The following WDR25 variants were observed in gnomAD, a reference collection of about 807,000 sequenced individuals.
WDR25 encodes the protein WD repeat domain 25, also known as WD repeat-containing protein 25.
In WDR25, 35 loss-of-function variants were observed where a neutral mutation model predicts 47.7. That is an observed-to-expected ratio of 0.73 (90% CI 0.56 to 0.97). WDR25 has a LOEUF of 0.97. Among genes scored for constraint, WDR25 ranks in the 50% least tolerant of loss-of-function variants. WDR25 has a pLI of 0.00. For missense variants in WDR25, 634 were observed against 704.7 expected (o/e 0.90, Z 1.14); for synonymous variants, 248 against 278.9 (o/e 0.89, Z 1.10).
chr14:100,473,215 G>A (rs796096187), intron 3 of WDR25, among the ~76,000 whole-genome samples: 4 of 152,364 alleles, frequency 2.6e-5, no homozygotes, highest in African/African-American at 9.6e-5. Context: ...CTGTGTGGAG[G>A]TGAAATGAGT....
chr14:100,409,282 C>T (rs1397232215), intron 2 of WDR25, among the ~76,000 whole-genome samples: 5 of 152,174 alleles, frequency 3.3e-5, no homozygotes, highest in African/African-American at 4.8e-5. Context: ...GCGTGTCTGG[C>T]GCAAGGTGAT....
intron 2 of WDR25, among the ~76,000 whole-genome samples, chr14:100,426,369 A>G (rs968724620): frequency 1.4e-4 from 21 of 152,370 alleles, no homozygotes; most frequent in Middle Eastern, 3.4e-3. Flanking sequence ...TTGCCCTTCC[A>G]AAGAACTGTG....
At chr14:100,465,440 A>G (rs1899597336) in intron 2 of WDR25, among the ~76,000 whole-genome samples, 1 of 152,170 alleles carries the variant, frequency 6.6e-6, no homozygotes, top group Admixed American at 6.5e-5. Context: ...GGTACCTCAT[A>G]TAAGTGCAGT....
At position 100,468,262 on chromosome 14, in the gene WDR25, T is replaced by G; in HGVS notation, c.970+94T>G. The G allele has an allele frequency of 1.3e-6, 2 of 1,512,554 alleles. No individual in the cohort carries two copies. The highest frequency in any genetic ancestry group is 1.8e-6 in the Non-Finnish European group (2 of 1,130,326). The allele number at this position is 1,512,554 out of a possible 1,614,324, so 93.7% of individuals were successfully genotyped here. A position where few individuals can be genotyped will look rare whatever the true frequency, so the allele number is the denominator to read the frequency against. The stretch of plus-strand genomic sequence containing the variant: ...GCACGCAGCCACAAGCTGTATACGC[T>G]TGCGTGGCAGAGGGAGAGGGGCCTC... On this transcript the variant is annotated intron_variant, in intron 3 of 6. Coordinates refer to ENST00000402312, the MANE Select transcript of WDR25 (RefSeq NM_001161476.3). The surrounding 1 kb of genome is among the most constrained non-coding windows in gnomAD (Gnocchi z 4.5).
intron 3 of WDR25, chr14:100,480,970 C>T (rs1298876810): frequency 4.7e-6 from 2 of 422,910 alleles, no homozygotes; most frequent in African/African-American, 4.2e-5. Flanking sequence ...GGAAGGTCAG[C>T]TCTGCTGAAG....
intron 2 of WDR25, among the ~76,000 whole-genome samples, chr14:100,421,433 T>C (rs768500590): frequency 3.3e-5 from 5 of 152,212 alleles, no homozygotes; most frequent in Non-Finnish European, 5.9e-5. Flanking sequence ...GGAAGCAGGC[T>C]GACTTACCCC....
intron 2 of WDR25, among the ~76,000 whole-genome samples, chr14:100,421,161 T>A (rs1898015945): frequency 6.6e-6 from 1 of 152,200 alleles, no homozygotes; most frequent in Non-Finnish European, 1.5e-5. Flanking sequence ...AGAGTAGGCA[T>A]CAGGACTAGG....
intron 5 of WDR25, 111 bp downstream of exon 5, chr14:100,526,151 T>A: frequency 7.5e-7 from 1 of 1,332,540 alleles, no homozygotes; most frequent in Non-Finnish European, 1.0e-6. Context: ...CTCACTGGAC[T>A]GAAATCTCCA....
Position 100,440,442 on chromosome 14 carries a change from G to A in WDR25, c.823-27579G>A, listed in dbSNP as rs150413322. Among the ~76,000 whole-genome samples, 164 of 152,328 alleles carry A rather than the reference G, an allele frequency of 1.1e-3. No homozygotes were observed. The highest frequency in any genetic ancestry group is 1.7e-3 in the Non-Finnish European group (115 of 68,020). On this transcript the variant is annotated intron_variant, in intron 2 of 6. Transcript: ENST00000402312. The surrounding 1 kb of genome is among the most constrained non-coding windows in gnomAD (Gnocchi z 4.4). ...CTGTTCTGAGCGGCTGTTTACAGGCGGATAGAAAGGGCTGTAGGATGGGAC... is the reference window on the plus strand; with the variant it reads ...CTGTTCTGAGCGGCTGTTTACAGGCAGATAGAAAGGGCTGTAGGATGGGAC...
At position 100,440,685 on chromosome 14, in the gene WDR25, TC is replaced by T. The variant is rs765794441; in HGVS notation, c.823-27335del. Among the ~76,000 whole-genome samples, 1 of 152,234 alleles carries T rather than the reference TC, an allele frequency of 6.6e-6. No individual in the cohort carries two copies. Among genetic ancestry groups the T allele is most frequent in the Non-Finnish European group, 1.5e-5 (1 of 68,032 alleles). ...GTCTCATTCCCTGTTTTTATTCCCT[TC>T]TTTTATTTAGGGAGAGCCAGAGCAG... On this transcript the variant is annotated intron_variant, in intron 2 of 6. Coordinates refer to ENST00000402312, the MANE Select transcript of WDR25 (RefSeq NM_001161476.3). This position sits in a 1 kb window ranked among gnomAD's most constrained non-coding sequence, Gnocchi z 4.4.
chr14:100,524,515 T>C (rs73351059), intron 4 of WDR25, among the ~76,000 whole-genome samples: 11,371 of 152,216 alleles, frequency 0.075, 1,409 homozygotes, highest in African/African-American at 0.26. Context: ...AGGGGCAGCT[T>C]GTCTCCCTGT....
chr14:100,507,065 G>A (rs1364487969), intron 4 of WDR25, among the ~76,000 whole-genome samples: 1 of 151,688 alleles, frequency 6.6e-6, no homozygotes, highest in Non-Finnish European at 1.5e-5. Flanking sequence ...ACATTTAAAT[G>A]TTGAGTTAAT....
Position 100,486,084 on chromosome 14 carries a change from A to T in WDR25, c.1101+1960A>T, listed in dbSNP as rs540270839. On this transcript the variant is annotated intron_variant, in intron 4 of 6. Transcript: ENST00000402312. ...ACCGCCAAAACACGTTATATTTAGG[A>T]TCTAAATACATGACAAGTGAAAGAA... Among the ~76,000 whole-genome samples the T allele has an allele frequency of 8.6e-5, 13 of 151,186 alleles. No individual in the cohort carries two copies. In the South Asian group the frequency reaches 2.1e-3, roughly 24 times the overall value.
At chr14:100,444,299 G>T (rs973291598) in intron 2 of WDR25, among the ~76,000 whole-genome samples, 3 of 152,236 alleles carry the variant, frequency 2.0e-5, no homozygotes, top group Non-Finnish European at 4.4e-5. Flanking sequence ...GTAGCAGTTT[G>T]TCCTCCCGGG....
At chr14:100,457,132 T>G (rs1899230521) in intron 2 of WDR25, among the ~76,000 whole-genome samples, 1 of 152,134 alleles carries the variant, frequency 6.6e-6, no homozygotes, top group South Asian at 2.1e-4. Context: ...AATTTGTATT[T>G]TTAATAGAGA....
rs966062689 is a variant in WDR25, at chr14:100,430,291, G to A, written c.823-37730G>A. ...TGCCCAGCCAGTCAGAGTCACCTCC[G>A]GACCTCCTGCTTCCTGATCTCCTCA... On this transcript the variant is annotated intron_variant, in intron 2 of 6. Transcript: ENST00000402312. This position sits in a 1 kb window ranked among gnomAD's most constrained non-coding sequence, Gnocchi z 4.7. 1.3e-5 allele frequency among the ~76,000 whole-genome samples: 2 copies of A among 151,950 alleles called. No homozygotes were observed. Among genetic ancestry groups the A allele is most frequent in the East Asian group, 1.9e-4 (1 of 5,182 alleles).
intron 2 of WDR25, among the ~76,000 whole-genome samples, chr14:100,447,423 G>T (rs113088443): frequency 6.6e-6 from 1 of 152,236 alleles, no homozygotes; most frequent in Non-Finnish European, 1.5e-5. Flanking sequence ...AGGCGTGGGC[G>T]TGCCAGCCTT....
chr14:100,393,618 G>A (rs913400396), intron 2 of WDR25, among the ~76,000 whole-genome samples: 5 of 152,192 alleles, frequency 3.3e-5, no homozygotes, highest in Non-Finnish European at 7.3e-5. Flanking sequence ...GGGGGGAAGA[G>A]GTCAGCACAT....
At chr14:100,408,491 G>C (rs1897609853) in intron 2 of WDR25, among the ~76,000 whole-genome samples, 1 of 152,174 alleles carries the variant, frequency 6.6e-6, no homozygotes, top group African/African-American at 2.4e-5. Flanking sequence ...AGCCCTCAGT[G>C]CTGTCTCTTT....
Sources: gnomAD v4.1 joint callset for allele counts (sites outside exome capture counted in the v4.1 genomes callset) on GRCh38, gnomAD v4.1.1 for gene constraint, Gnocchi (gnomAD v3.1) non-coding constraint, MANE v1.5 for transcripts, NCBI Gene and HGNC (gene_info 2026-07-23, HGNC 2026-07-21) for gene names.